The following HHLA2 variants were observed in gnomAD, a reference collection of about 807,000 sequenced individuals.
HHLA2 encodes the protein HERV-H LTR-associating protein 2.
HHLA2 carries 48 observed loss-of-function variants against 45.9 expected under a neutral mutation model. The ratio of observed to expected loss-of-function variants is 1.05; its 90% CI spans 0.83 to 1.33. The LOEUF is 1.33. Ranked by LOEUF, HHLA2 falls within the 40% of genes most tolerant of loss-of-function variation. The pLI, the probability that HHLA2 is intolerant of heterozygous loss-of-function variation, is 0.00. For missense variants in HHLA2, 462 were observed against 494.3 expected, an observed-to-expected ratio of 0.93 and a Z score of 0.62; for synonymous variants, 161 against 173.9, an observed-to-expected ratio of 0.93 and a Z score of 0.59.
At chr3:108,376,677 G>A in intron 10 of HHLA2, 120 bp downstream of exon 9, 3 of 806,552 alleles carry the variant, frequency 3.7e-6, no homozygotes, top group Non-Finnish European at 5.9e-6. Flanking sequence ...GAAAAAAACA[G>A]CAGCAGGGGT....
At chr3:108,310,266 A>C (rs989764469) in intron 1 of HHLA2, among the ~76,000 whole-genome samples, 13 of 152,190 alleles carry the variant, frequency 8.5e-5, no homozygotes, top group African/African-American at 3.1e-4. Flanking sequence ...ATTTATAGGA[A>C]AAACAAGTCT....
intron 3 of HHLA2, among the ~76,000 whole-genome samples, chr3:108,348,185 G>A (rs2081703573): frequency 6.6e-6 from 1 of 151,916 alleles, no homozygotes; most frequent in African/African-American, 2.4e-5. Flanking sequence ...AGGGCAAGCA[G>A]AAGAGAACCA....
At chr3:108,377,953 A>G (rs2082303178) in exon 11 of HHLA2, 2 of 152,326 alleles carry the variant, frequency 1.3e-5, no homozygotes, top group Admixed American at 1.3e-4. Context: ...AAGATCCACA[A>G]AAGAAGTAAA....
chr3:108,297,748 A>T (rs1190515418), intron 1 of HHLA2, among the ~76,000 whole-genome samples: 1 of 152,166 alleles, frequency 6.6e-6, no homozygotes, highest in African/African-American at 2.4e-5. Context: ...ATGTTCTATC[A>T]GTTGGCCTGA....
At chr3:108,352,883 C>G (rs1439870123) in intron 4 of HHLA2, among the ~76,000 whole-genome samples, 1 of 152,198 alleles carries the variant, frequency 6.6e-6, no homozygotes, top group Non-Finnish European at 1.5e-5. Context: ...TTGGACTCCT[C>G]CTGCTCATGT....
chr3:108,321,553 T>G (rs2081202967), intron 2 of HHLA2, among the ~76,000 whole-genome samples: 1 of 152,166 alleles, frequency 6.6e-6, no homozygotes, highest in African/African-American at 2.4e-5. Context: ...TGGCCCTTTC[T>G]ATTAGCTTTT....
At chr3:108,376,963 C>T (rs1254132612) in intron 10 of HHLA2, 1 of 380,136 alleles carries the variant, frequency 2.6e-6, no homozygotes. Flanking sequence ...TACTGCATTC[C>T]TTTTAGTATT....
At chr3:108,337,653 A>G (rs775415300) in intron 3 of HHLA2, among the ~76,000 whole-genome samples, 3 of 151,880 alleles carry the variant, frequency 2.0e-5, no homozygotes, top group African/African-American at 7.3e-5. Flanking sequence ...ACGAAAGCTC[A>G]CCCTCCCCAG....
At chr3:108,347,228 C>G (rs147766884) in intron 3 of HHLA2, among the ~76,000 whole-genome samples, 1 of 152,292 alleles carries the variant, frequency 6.6e-6, no homozygotes, top group Non-Finnish European at 1.5e-5. Context: ...ATTATTTCAA[C>G]AGCACTAAAT....
chr3:108,354,788 CTACTT>C (rs765135319), intron 5 of HHLA2, among the ~76,000 whole-genome samples: 5 of 152,042 alleles, frequency 3.3e-5, no homozygotes, highest in Non-Finnish European at 7.4e-5. Context: ...CGCATGAACT[CTACTT>C]TATAGACTTA....
rs2080851160 is a variant in HHLA2 at position 108,301,668 on chromosome 3, G to A, written c.-192+5069G>A. On this transcript the variant is annotated intron_variant, in intron 1 of 10. Transcript: ENST00000619531. ...TTTTGGAAGTTGAGGGTGGCCCGTG[G>A]TAGTTTTAATCTGCTTGGCAAATTC... 2.0e-5 allele frequency among the ~76,000 whole-genome samples: 3 copies of A among 152,114 alleles called. No individual in the cohort carries two copies. In the South Asian group the frequency reaches 6.2e-4, roughly 32 times the overall value.
chr3:108,358,053 G>A, exon 7 of HHLA2: 2 of 1,613,664 alleles, frequency 1.2e-6, no homozygotes, highest in Non-Finnish European at 1.7e-6. Flanking sequence ...AAACCAGAGT[G>A]ACTTCTCTAT....
At chr3:108,306,210 C>T (rs927017604) in intron 1 of HHLA2, among the ~76,000 whole-genome samples, 1 of 152,162 alleles carries the variant, frequency 6.6e-6, no homozygotes, top group African/African-American at 2.4e-5. Context: ...CTGCTTTCCC[C>T]CTTTATCCTT....
chr3:108,357,354 C>T (rs1056496463), intron 6 of HHLA2, among the ~76,000 whole-genome samples: 1 of 152,122 alleles, frequency 6.6e-6, no homozygotes, highest in African/African-American at 2.4e-5. Flanking sequence ...TGCCTGCACA[C>T]AGCTGGAAAT....
At chr3:108,358,711 A>T (rs1442628644) in intron 7 of HHLA2, among the ~76,000 whole-genome samples, 2 of 152,226 alleles carry the variant, frequency 1.3e-5, no homozygotes, top group Non-Finnish European at 2.9e-5. Flanking sequence ...CCATCAAGTC[A>T]TGGAATATAT....
chr3:108,370,161 G>A (rs994788841), intron 8 of HHLA2, among the ~76,000 whole-genome samples: 3 of 152,184 alleles, frequency 2.0e-5, no homozygotes, highest in Non-Finnish European at 4.4e-5. Flanking sequence ...ACAAGTATCC[G>A]CTGTTCTGCA....
intron 7 of HHLA2, among the ~76,000 whole-genome samples, chr3:108,361,538 T>G (rs1433003439): frequency 6.6e-6 from 1 of 152,116 alleles, no homozygotes; most frequent in Non-Finnish European, 1.5e-5. Flanking sequence ...AGTGCTTCCT[T>G]TAAGGGAAAG....
At chr3:108,351,961 C>T (rs2081786291) in intron 4 of HHLA2, 84 bp downstream of exon 3, 4 of 864,854 alleles carry the variant, frequency 4.6e-6, no homozygotes, top group Non-Finnish European at 5.7e-6. Context: ...GCTATTTCCT[C>T]CATAGCCACA....
At chr3:108,366,252 A>C (rs1426579595) in intron 8 of HHLA2, among the ~76,000 whole-genome samples, 4 of 152,114 alleles carry the variant, frequency 2.6e-5, no homozygotes, top group African/African-American at 9.7e-5. Flanking sequence ...GGTTTTTGTC[A>C]CTGGTTCTGT....
Sources: allele counts gnomAD v4.1 joint callset (sites outside exome capture counted in the v4.1 genomes callset), GRCh38; gene constraint gnomAD v4.1.1; transcripts MANE v1.5; gene names NCBI Gene and HGNC (gene_info 2026-07-23, HGNC 2026-07-21).